MICU2: variants seen among roughly 807,000 people sequenced by gnomAD.
The protein encoded by MICU2 is calcium uptake protein 2, mitochondrial.
A neutral mutation model predicts 60.4 loss-of-function variants in MICU2; 64 were observed. The ratio of observed to expected loss-of-function variants is 1.06; its 90% CI spans 0.87 to 1.31. The LOEUF (loss-of-function observed/expected upper bound fraction) is 1.31. Among genes scored for constraint, MICU2 ranks in the 50% most tolerant of loss-of-function variants. The pLI is 0.00. For synonymous variants in MICU2, 201 were observed against 175.0 expected, an observed-to-expected ratio of 1.15 and a Z score of -1.17; for missense variants, 569 against 531.0, an observed-to-expected ratio of 1.07 and a Z score of -0.70.
At chr13:21,543,023 TTTTC>T (rs538703667) in intron 2 of MICU2, among the ~76,000 whole-genome samples, 57 of 152,310 alleles carry the variant, frequency 3.7e-4, no homozygotes, top group Middle Eastern at 3.4e-3. Flanking sequence ...AATAGACACA[TTTTC>T]TTTATTTCAT....
intron 4 of MICU2, among the ~76,000 whole-genome samples, chr13:21,533,375 G>A (rs943251578): frequency 6.7e-6 from 1 of 149,084 alleles, no homozygotes; most frequent in Non-Finnish European, 1.5e-5. Flanking sequence ...CCAGGCTGGA[G>A]TGCAGTGGCG....
At chr13:21,549,073 C>G (rs892934835) in intron 2 of MICU2, among the ~76,000 whole-genome samples, 3 of 151,702 alleles carry the variant, frequency 2.0e-5, no homozygotes, top group Admixed American at 6.6e-5. Context: ...CTACAGGCGC[C>G]CGCCACCACA....
At chr13:21,600,127 G>A (rs944091118) in intron 1 of MICU2, among the ~76,000 whole-genome samples, 2 of 152,114 alleles carry the variant, frequency 1.3e-5, no homozygotes, top group South Asian at 2.1e-4. Flanking sequence ...GGTCCATGAG[G>A]GTTAAGAAAT....
chr13:21,561,057 G>GTT (rs1207077898), intron 2 of MICU2, among the ~76,000 whole-genome samples: 3 of 152,102 alleles, frequency 2.0e-5, no homozygotes, highest in African/African-American at 7.2e-5. Flanking sequence ...TGACCCATGT[G>GTT]TTATTTAAAA....
At chr13:21,498,832 AC>A (rs1288753253) in intron 9 of MICU2, among the ~76,000 whole-genome samples, 2 of 150,162 alleles carry the variant, frequency 1.3e-5, no homozygotes, top group East Asian at 2.0e-4. Context: ...AAAAAAAAAA[AC>A]CAGTGTATTT....
At chr13:21,598,739 G>A (rs1294112275) in intron 1 of MICU2, among the ~76,000 whole-genome samples, 1 of 151,982 alleles carries the variant, frequency 6.6e-6, no homozygotes, top group East Asian at 1.9e-4. Flanking sequence ...AAAAAGTAAT[G>A]GTTCAGAAAG....
intron 8 of MICU2, among the ~76,000 whole-genome samples, chr13:21,509,727 T>A (rs114078888): frequency 6.6e-6 from 1 of 152,252 alleles, no homozygotes; most frequent in African/African-American, 2.4e-5. Flanking sequence ...GCTAGGCGCA[T>A]GGTTCTTTGT....
intron 1 of MICU2, among the ~76,000 whole-genome samples, chr13:21,589,311 CT>C (rs1273925122): frequency 1.3e-5 from 2 of 152,184 alleles, no homozygotes; most frequent in African/African-American, 4.8e-5. Flanking sequence ...TGTACTTATT[CT>C]TGTCAGGTGC....
intron 9 of MICU2, among the ~76,000 whole-genome samples, chr13:21,499,632 A>G (rs1184082955): frequency 1.3e-5 from 2 of 151,788 alleles, no homozygotes; most frequent in South Asian, 4.2e-4. Context: ...AGATGTTCTC[A>G]ATCTTCTGAC....
At chr13:21,600,123 T>C (rs1888782396) in intron 1 of MICU2, among the ~76,000 whole-genome samples, 1 of 152,216 alleles carries the variant, frequency 6.6e-6, no homozygotes, top group Admixed American at 6.5e-5. Context: ...TGGGGGTCCA[T>C]GAGGGTTAAG....
At chr13:21,571,498 C>T (rs1185052235) in intron 1 of MICU2, among the ~76,000 whole-genome samples, 2 of 152,120 alleles carry the variant, frequency 1.3e-5, no homozygotes, top group African/African-American at 4.8e-5. Flanking sequence ...GAGATTGAGA[C>T]CATCCTGGCT....
At chr13:21,549,221 G>A (rs1291260784) in intron 2 of MICU2, among the ~76,000 whole-genome samples, 1 of 152,096 alleles carries the variant, frequency 6.6e-6, no homozygotes, top group East Asian at 1.9e-4. Context: ...GAGCTAGCGT[G>A]CCCAGCTGAC....
At chr13:21,578,305 A>G (rs1270096300) in intron 1 of MICU2, among the ~76,000 whole-genome samples, 1 of 152,124 alleles carries the variant, frequency 6.6e-6, no homozygotes, top group Non-Finnish European at 1.5e-5. Flanking sequence ...ATAATTTTAG[A>G]GCTGGGCTTA....
intron 1 of MICU2, among the ~76,000 whole-genome samples, chr13:21,571,329 G>A (rs1212755420): frequency 6.6e-6 from 1 of 152,114 alleles, no homozygotes; most frequent in African/African-American, 2.4e-5. Flanking sequence ...AGATATCAAA[G>A]TTATTTGAGA....
intron 2 of MICU2, among the ~76,000 whole-genome samples, chr13:21,547,055 C>G (rs1593337892): frequency 6.6e-6 from 1 of 152,180 alleles, no homozygotes; most frequent in Admixed American, 6.5e-5. Context: ...AATGGACAGC[C>G]TTGCCTAGTT....
intron 1 of MICU2, among the ~76,000 whole-genome samples, chr13:21,591,791 T>C (rs1013174410): frequency 6.6e-6 from 1 of 151,944 alleles, no homozygotes; most frequent in African/African-American, 2.4e-5. Context: ...AATAAAGAAA[T>C]TAAGGGAGAA....
chr13:21,551,918 G>A (rs1020298639), intron 2 of MICU2, among the ~76,000 whole-genome samples: 5 of 152,084 alleles, frequency 3.3e-5, no homozygotes, highest in Admixed American at 3.3e-4. Flanking sequence ...CTTTATAGCA[G>A]CATGATTTAT....
intron 1 of MICU2, among the ~76,000 whole-genome samples, chr13:21,586,451 A>G (rs1888459459): frequency 6.6e-6 from 1 of 152,110 alleles, no homozygotes; most frequent in Non-Finnish European, 1.5e-5. Flanking sequence ...TCTGCCGTCT[A>G]GGCTAGAATG....
intron 1 of MICU2, among the ~76,000 whole-genome samples, chr13:21,594,369 G>C (rs985109648): frequency 1.6e-4 from 24 of 152,166 alleles, no homozygotes; most frequent in African/African-American, 5.6e-4. Flanking sequence ...TTATTAAAAA[G>C]TCAGGAAACA....
Sources: allele counts gnomAD v4.1 joint callset (sites outside exome capture counted in the v4.1 genomes callset), GRCh38; gene constraint gnomAD v4.1.1; transcripts MANE v1.5; gene names NCBI Gene and HGNC (gene_info 2026-07-23, HGNC 2026-07-21).